Variants in KIRREL3 observed in about 807,000 individuals in gnomAD.
KIRREL3 encodes the protein kin of IRRE-like protein 3.
KIRREL3 carries 36 observed loss-of-function variants against 89.7 expected under a neutral mutation model. That is an observed-to-expected ratio of 0.40 (90% confidence interval 0.31 to 0.53). The LOEUF (loss-of-function observed/expected upper bound fraction) is 0.53, where lower values mean the gene tolerates loss of function less well. Ranked by LOEUF, KIRREL3 falls within the 20% of genes least tolerant of loss-of-function variation. The pLI, the probability that KIRREL3 is intolerant of heterozygous loss-of-function variation, is 0.49. For missense variants in KIRREL3, 864 were observed against 1,056.6 expected (o/e 0.82, Z 2.53); for synonymous variants, 445 against 441.4 (o/e 1.01, Z -0.10).
chr11:126,988,918 T>C (rs75446948), intron 1 of KIRREL3, among the ~76,000 whole-genome samples: 1 of 152,034 alleles, frequency 6.6e-6, no homozygotes, highest in African/African-American at 2.4e-5. Context: ...GATTTTTTTT[T>C]CTCACCACTC....
rs540652491 is a variant in KIRREL3 at position 127,000,233 on chromosome 11, C to A, written c.55+222G>T. On this transcript the variant is annotated intron_variant, in intron 1 of 16. Coordinates refer to ENST00000525144, the MANE Select transcript of KIRREL3 (RefSeq NM_032531.4). The surrounding 1 kb of genome is among the most constrained non-coding windows in gnomAD (Gnocchi z 7.1). ...TGACAAGTGAGAGGAGAAAGTCATTCCCCTCCCCTCCCATACCCCTTCTTT... is the reference window on the plus strand; with the variant it reads ...TGACAAGTGAGAGGAGAAAGTCATTACCCTCCCCTCCCATACCCCTTCTTT... Among the ~76,000 whole-genome samples, 52 of 152,304 alleles carry A rather than the reference C, an allele frequency of 3.4e-4. No homozygotes were observed. Among genetic ancestry groups the A allele is most frequent in the Non-Finnish European group, 6.3e-4 (43 of 68,026 alleles).
At chr11:126,821,043 G>C (rs1943196068) in intron 1 of KIRREL3, among the ~76,000 whole-genome samples, 1 of 151,980 alleles carries the variant, frequency 6.6e-6, no homozygotes, top group Admixed American at 6.6e-5. Context: ...ATCTCTCTTG[G>C]GACTGCAAAA....
chr11:126,450,641 G>A (rs1956034425), intron 7 of KIRREL3, among the ~76,000 whole-genome samples: 1 of 146,798 alleles, frequency 6.8e-6, no homozygotes, highest in Non-Finnish European at 1.5e-5. Flanking sequence ...GTGGGAGCAT[G>A]TGCACGTGTG....
intron 1 of KIRREL3, among the ~76,000 whole-genome samples, chr11:126,819,930 C>A (rs1943149359): frequency 1.3e-5 from 2 of 152,206 alleles, no homozygotes; most frequent in African/African-American, 4.8e-5. Flanking sequence ...GTCCAGGACA[C>A]CTGGGTTCCA....
rs779279737 is a variant in KIRREL3 at position 126,983,962 on chromosome 11, C to T, written c.55+16493G>A. ...TACATATCTAGTATCATTTTAGATG[C>T]ATAGGAAATAATTTAATTCATTGCA... On this transcript the variant is annotated intron_variant, in intron 1 of 16. Coordinates refer to ENST00000525144, the MANE Select transcript of KIRREL3 (RefSeq NM_032531.4). This position sits in a 1 kb window ranked among gnomAD's most constrained non-coding sequence, Gnocchi z 4.9. Among the ~76,000 whole-genome samples the T allele has an allele frequency of 1.3e-5, 2 of 151,994 alleles. No homozygotes were observed. Among genetic ancestry groups the T allele is most frequent in the Non-Finnish European group, 2.9e-5 (2 of 68,016 alleles).
chr11:126,872,907 G>A lies in KIRREL3; in HGVS notation c.55+127548C>T, dbSNP rs143124685. 2.0e-5 allele frequency among the ~76,000 whole-genome samples: 3 copies of A among 152,140 alleles called. No homozygotes were observed. The highest frequency in any genetic ancestry group is 7.2e-5 in the African/African-American group (3 of 41,514). On this transcript the variant is annotated intron_variant, in intron 1 of 16. Coordinates refer to ENST00000525144, the MANE Select transcript of KIRREL3 (RefSeq NM_032531.4). This position sits in a 1 kb window ranked among gnomAD's most constrained non-coding sequence, Gnocchi z 4.2. The stretch of plus-strand genomic sequence containing the variant: ...ACGGCCACTGTTCACCAGCTGTGCC[G>A]AGTTACTACACAGCCTGGAGGTCAA...
At chr11:126,793,496 G>A (rs1261261450) in intron 1 of KIRREL3, among the ~76,000 whole-genome samples, 3 of 152,162 alleles carry the variant, frequency 2.0e-5, no homozygotes, top group African/African-American at 7.2e-5. Flanking sequence ...ATGATAACAG[G>A]TGCACCAGCC....
At chr11:126,442,924 G>C (rs1011553035) in intron 10 of KIRREL3, among the ~76,000 whole-genome samples, 15 of 152,232 alleles carry the variant, frequency 9.9e-5, no homozygotes, top group African/African-American at 3.6e-4. Flanking sequence ...GGCAGAGGAG[G>C]GGAGAGAAAG....
intron 1 of KIRREL3, among the ~76,000 whole-genome samples, chr11:126,922,000 TATCTATC>T (rs1319311745): frequency 1.4e-5 from 2 of 141,072 alleles, no homozygotes; most frequent in South Asian, 2.2e-4. Context: ...TCTATCTATC[TATCTATC>T]ATCTATCTTC....
rs550889478 is a variant in KIRREL3 at position 126,778,597 on chromosome 11, G to A, written c.56-215685C>T. On this transcript the variant is annotated intron_variant, in intron 1 of 16. Transcript: ENST00000525144. This position sits in a 1 kb window ranked among gnomAD's most constrained non-coding sequence, Gnocchi z 4.5. ...TGCACACATCCCAGATTTTTCCTTC[G>A]TTTGAATTTCTAGAATAGAAACTGC... is the stretch of plus-strand genomic sequence containing the variant. 1.8e-4 allele frequency among the ~76,000 whole-genome samples: 27 copies of A among 152,192 alleles called. No homozygotes were observed. Among genetic ancestry groups the A allele is most frequent in the East Asian group, 1.3e-3 (7 of 5,190 alleles).
At chr11:126,728,365 A>T (rs558548729) in intron 1 of KIRREL3, among the ~76,000 whole-genome samples, 1 of 152,072 alleles carries the variant, frequency 6.6e-6, no homozygotes, top group Admixed American at 6.5e-5. Context: ...ACATGCCTCT[A>T]CTGTGCATGA....
rs1418110851 is a variant in KIRREL3, at chr11:126,620,121, G to A, written c.56-57209C>T. Reference sequence around the variant, plus strand: ...GCCCACACAGTGGGCAATCGAATCTGGTGGTCTTATAACACTTGACCAAAA... The same window carrying A: ...GCCCACACAGTGGGCAATCGAATCTAGTGGTCTTATAACACTTGACCAAAA... On this transcript the variant is annotated intron_variant, in intron 1 of 16. Coordinates refer to ENST00000525144, the MANE Select transcript of KIRREL3 (RefSeq NM_032531.4). The surrounding 1 kb of genome is among the most constrained non-coding windows in gnomAD (Gnocchi z 4.8). Among the ~76,000 whole-genome samples, 1 of 152,114 alleles carries A rather than the reference G, an allele frequency of 6.6e-6. No individual in the cohort carries two copies. The highest frequency in any genetic ancestry group is 1.5e-5 in the Non-Finnish European group (1 of 68,000).
Position 126,872,728 on chromosome 11 carries a change from T to C in KIRREL3, c.55+127727A>G, listed in dbSNP as rs1452506722. Among the ~76,000 whole-genome samples the C allele has an allele frequency of 6.6e-6, 1 of 152,252 alleles. No homozygotes were observed. The highest frequency in any genetic ancestry group is 1.5e-5 in the Non-Finnish European group (1 of 68,038). Reference sequence around the variant, plus strand: ...TTTGTCAGTGTGGGTACTTTCCTGCTCTGTGCTGCCAGAATGGTGCTGAAT... The same window carrying C: ...TTTGTCAGTGTGGGTACTTTCCTGCCCTGTGCTGCCAGAATGGTGCTGAAT... On this transcript the variant is annotated intron_variant, in intron 1 of 16. Coordinates refer to ENST00000525144, the MANE Select transcript of KIRREL3 (RefSeq NM_032531.4). This position sits in a 1 kb window ranked among gnomAD's most constrained non-coding sequence, Gnocchi z 4.2.
chr11:127,002,108 C>T (rs991593537), upstream of KIRREL3, among the ~76,000 whole-genome samples: 7 of 152,036 alleles, frequency 4.6e-5, no homozygotes, highest in Admixed American at 1.3e-4. Context: ...AGTTTCCATG[C>T]GGATGTTAAC....
intron 1 of KIRREL3, among the ~76,000 whole-genome samples, chr11:126,657,709 G>A (rs1017524689): frequency 6.6e-6 from 1 of 152,210 alleles, no homozygotes; most frequent in Non-Finnish European, 1.5e-5. Context: ...GACTCAGTTG[G>A]CATTTCTGCA....
In KIRREL3 at chr11:126,519,284, A is replaced by T. The variant is rs937504933; in HGVS notation, c.433+2031T>A. Among the ~76,000 whole-genome samples, 17 of 152,196 alleles carry T rather than the reference A, an allele frequency of 1.1e-4. No homozygotes were observed. The highest frequency in any genetic ancestry group is 2.9e-5 in the Non-Finnish European group (2 of 68,030). On this transcript the variant is annotated intron_variant, in intron 4 of 16. Coordinates refer to ENST00000525144, the MANE Select transcript of KIRREL3 (RefSeq NM_032531.4). This position sits in a 1 kb window ranked among gnomAD's most constrained non-coding sequence, Gnocchi z 4.3. ...AAGCCTGGCCCCTCACCAGCCAGAC[A>T]GATGAGATGCTGCTGGCATCTGGGA...
At chr11:126,777,240 A>G (rs1195044111) in intron 1 of KIRREL3, among the ~76,000 whole-genome samples, 2 of 152,198 alleles carry the variant, frequency 1.3e-5, no homozygotes, top group African/African-American at 4.8e-5. Context: ...ACATCCTACA[A>G]TGCACAGCAT....
chr11:126,641,877 T>C lies in KIRREL3; in HGVS notation c.56-78965A>G, dbSNP rs1944485779. On this transcript the variant is annotated intron_variant, in intron 1 of 16. Transcript: ENST00000525144. This position sits in a 1 kb window ranked among gnomAD's most constrained non-coding sequence, Gnocchi z 5.0. ...CCACCACAGTCCCCTTGCTTACATG[T>C]GCACATCCTCAACTTCCACTCTTTC... 6.6e-6 allele frequency among the ~76,000 whole-genome samples: 1 copy of C among 152,192 alleles called. No individual in the cohort carries two copies. Among genetic ancestry groups the C allele is most frequent in the Admixed American group, 6.5e-5 (1 of 15,276 alleles).
At chr11:126,921,383 C>G (rs1947270318) in intron 1 of KIRREL3, among the ~76,000 whole-genome samples, 1 of 150,098 alleles carries the variant, frequency 6.7e-6, no homozygotes, top group Non-Finnish European at 1.5e-5. Context: ...ATTCCCTCAT[C>G]CTGTCTTGTA....
Sources: gnomAD v4.1 joint callset for allele counts (sites outside exome capture counted in the v4.1 genomes callset) on GRCh38, gnomAD v4.1.1 for gene constraint, Gnocchi (gnomAD v3.1) non-coding constraint, MANE v1.5 for transcripts, NCBI Gene and HGNC (gene_info 2026-07-23, HGNC 2026-07-21) for gene names.